Variants in TTC28 observed in about 807,000 individuals in gnomAD.
TTC28 encodes the protein tetratricopeptide repeat domain 28, also known as tetratricopeptide repeat protein 28.
A neutral mutation model predicts 198.0 loss-of-function variants in TTC28; 61 were observed. The ratio of observed to expected loss-of-function variants is 0.31; its 90% confidence interval spans 0.25 to 0.38. The LOEUF is 0.38. Ranked by LOEUF, TTC28 falls within the 10% of genes least tolerant of loss-of-function variation. The pLI is 1.00. For synonymous variants in TTC28, 1,171 were observed against 1,297.8 expected (o/e 0.90, Z 2.10); for missense variants, 2,678 against 3,164.0 (o/e 0.85, Z 3.69).
At position 28,306,379 on chromosome 22, in the gene TTC28, C is replaced by G. The variant is rs970989081; in HGVS notation, c.529+117G>C. Reference sequence around the variant, plus strand: ...CTTGATCTTCCTTGGTCTAAAATATCAAATCTTAGCAAATTTGATAACCTA... The same window carrying G: ...CTTGATCTTCCTTGGTCTAAAATATGAAATCTTAGCAAATTTGATAACCTA... On this transcript the variant is annotated intron_variant, in intron 3 of 22. Transcript: ENST00000397906. The G allele has an allele frequency of 5.5e-5, 69 of 1,247,136 alleles. No homozygotes were observed. The African/African-American group carries it at 9.3e-4, about 17-fold the overall frequency. 77.3% of individuals were successfully genotyped at this position (1,247,136 alleles called of 1,614,324 possible). A position where few individuals can be genotyped will look rare whatever the true frequency, so the allele number is the denominator to read the frequency against.
At chr22:28,405,540 C>T (rs985305200) in intron 2 of TTC28, among the ~76,000 whole-genome samples, 3 of 152,178 alleles carry the variant, frequency 2.0e-5, no homozygotes, top group Non-Finnish European at 4.4e-5. Flanking sequence ...TCCATTTCAA[C>T]TGAGGGACTC....
chr22:28,358,658 G>A (rs556475764), intron 2 of TTC28, among the ~76,000 whole-genome samples: 5 of 152,150 alleles, frequency 3.3e-5, no homozygotes, highest in East Asian at 3.9e-4. Flanking sequence ...TAATACCCTC[G>A]TATATCACAA....
chr22:28,284,245 A>C (rs1046706246), intron 5 of TTC28, among the ~76,000 whole-genome samples: 4 of 152,160 alleles, frequency 2.6e-5, no homozygotes, highest in African/African-American at 9.7e-5. Flanking sequence ...AAAATAAATA[A>C]ACTGTGCCCC....
At chr22:28,424,421 C>G (rs992384914) in intron 2 of TTC28, among the ~76,000 whole-genome samples, 1 of 152,126 alleles carries the variant, frequency 6.6e-6, no homozygotes, top group Non-Finnish European at 1.5e-5. Context: ...AAGATTTTTA[C>G]TACATACTTC....
At chr22:27,990,072 G>A (rs749706742) in intron 20 of TTC28, 65 bp from the exon 21 acceptor site, 56 of 1,513,208 alleles carry the variant, frequency 3.7e-5, no homozygotes, top group Non-Finnish European at 4.7e-5. Flanking sequence ...CTCAAGACTC[G>A]ACCCATTATT....
rs549781631 is a variant in TTC28, at chr22:28,038,655, C to T, written c.3933-8289G>A. ...CACCAAAAGCAATGGCAACAAAAGC[C>T]AAAATTGACAAATGGGATCTAATTA... is the stretch of plus-strand genomic sequence containing the variant. On this transcript the variant is annotated intron_variant, in intron 12 of 22. Coordinates refer to ENST00000397906, the MANE Select transcript of TTC28 (RefSeq NM_001145418.2). Among the ~76,000 whole-genome samples, 157 of 152,256 alleles carry T rather than the reference C, an allele frequency of 1.0e-3. 1 individual carries two copies. Among genetic ancestry groups the T allele is most frequent in the Non-Finnish European group, 1.7e-3 (116 of 68,014 alleles).
intron 2 of TTC28, among the ~76,000 whole-genome samples, chr22:28,490,870 T>G (rs1416989132): frequency 1.3e-5 from 2 of 152,168 alleles, no homozygotes; most frequent in Admixed American, 1.3e-4. Flanking sequence ...AGAAGTCAAA[T>G]AAAAATTACC....
At chr22:28,040,327 G>A (rs1939569095) in intron 12 of TTC28, among the ~76,000 whole-genome samples, 2 of 152,198 alleles carry the variant, frequency 1.3e-5, no homozygotes, top group Admixed American at 1.3e-4. Context: ...ACATCAGTGC[G>A]AAAATCCTCA....
chr22:28,240,270 T>C (rs1929571825), intron 5 of TTC28, among the ~76,000 whole-genome samples: 1 of 152,134 alleles, frequency 6.6e-6, no homozygotes, highest in Admixed American at 6.6e-5. Context: ...TGAGATAATA[T>C]ACAGAGAATA....
At chr22:28,679,094 G>A (rs1282895781) in intron 1 of TTC28, among the ~76,000 whole-genome samples, 1 of 152,212 alleles carries the variant, frequency 6.6e-6, no homozygotes, top group Non-Finnish European at 1.5e-5. Context: ...AACACAGCAC[G>A]AAGCTGAGGT....
chr22:28,168,353 C>T (rs768097674), intron 5 of TTC28, among the ~76,000 whole-genome samples: 8 of 152,160 alleles, frequency 5.3e-5, no homozygotes, highest in Non-Finnish European at 7.3e-5. Context: ...AAAAAGAGCC[C>T]GCATTGCCAA....
intron 17 of TTC28, 45 bp downstream of exon 17, chr22:27,996,090 A>G (rs1937546393): frequency 2.6e-6 from 4 of 1,526,094 alleles, no homozygotes; most frequent in Non-Finnish European, 3.5e-6. Context: ...CTTCTCTCAC[A>G]GCACTGCCAG....
At chr22:28,460,343 TAGA>T (rs1401618150) in intron 2 of TTC28, among the ~76,000 whole-genome samples, 1 of 152,090 alleles carries the variant, frequency 6.6e-6, no homozygotes, top group Admixed American at 6.6e-5. Context: ...TGCAAGGAGA[TAGA>T]AGGATATAAA....
rs1923152059 is a variant in TTC28 at position 28,176,205 on chromosome 22, C to T, written c.934-12606G>A. ...GAATGGATAAAGAAAATGTGGTATACATATACAATGAAATATGATTCAATA... is the reference window on the plus strand; with the variant it reads ...GAATGGATAAAGAAAATGTGGTATATATATACAATGAAATATGATTCAATA... On this transcript the variant is annotated intron_variant, in intron 5 of 22. Transcript: ENST00000397906. Among the ~76,000 whole-genome samples the T allele has an allele frequency of 8.5e-5, 13 of 152,204 alleles. 2 individuals are homozygous for T. The South Asian group carries it at 2.7e-3, about 32-fold the overall frequency.
At chr22:28,363,357 T>C (rs544929134) in intron 2 of TTC28, among the ~76,000 whole-genome samples, 1 of 152,204 alleles carries the variant, frequency 6.6e-6, no homozygotes, top group Non-Finnish European at 1.5e-5. Context: ...AAGTCAAGAA[T>C]TGAGGTTTGG....
chr22:28,431,910 G>C (rs1359735238), intron 2 of TTC28, among the ~76,000 whole-genome samples: 1 of 151,830 alleles, frequency 6.6e-6, no homozygotes, highest in Non-Finnish European at 1.5e-5. Context: ...CCCAGGAGGA[G>C]GAGGTTGTAG....
intron 2 of TTC28, among the ~76,000 whole-genome samples, chr22:28,625,529 G>A (rs1305959300): frequency 6.6e-6 from 1 of 152,084 alleles, no homozygotes; most frequent in African/African-American, 2.4e-5. Context: ...ACAAAAAGTT[G>A]CAAAGGTAAT....
At chr22:28,524,186 C>T (rs563935386) in intron 2 of TTC28, among the ~76,000 whole-genome samples, 4 of 151,990 alleles carry the variant, frequency 2.6e-5, no homozygotes, top group African/African-American at 7.2e-5. Flanking sequence ...TAGGTAATTA[C>T]GCTCAAAAAA....
At position 27,999,410 on chromosome 22, in the gene TTC28, T is replaced by G; in HGVS notation, c.4399-150A>C. 7.4e-6 allele frequency: 9 copies of G among 1,218,710 alleles called. No individual in the cohort carries two copies. In the South Asian group the frequency reaches 1.4e-4, roughly 19 times the overall value. 75.5% of individuals were successfully genotyped at this position (1,218,710 alleles called of 1,614,324 possible). The stretch of plus-strand genomic sequence containing the variant: ...CAGTCACCACATTCACTCTTATTTT[T>G]CAACATCTTTTTGACACAGGTGCCT... On this transcript the variant is annotated intron_variant, in intron 15 of 22. Transcript: ENST00000397906.
Sources: gnomAD v4.1 joint callset for allele counts (sites outside exome capture counted in the v4.1 genomes callset) on GRCh38, gnomAD v4.1.1 for gene constraint, MANE v1.5 for transcripts, NCBI Gene and HGNC (gene_info 2026-07-23, HGNC 2026-07-21) for gene names.